Variants in MYO5B observed in about 807,000 individuals in gnomAD.
The protein encoded by MYO5B is unconventional myosin-Vb.
Under a neutral mutation model 229.3 loss-of-function variants are expected in MYO5B, and 143 were observed. The observed-to-expected ratio is 0.62, with a 90% CI of 0.54 to 0.72. The LOEUF (loss-of-function observed/expected upper bound fraction) is 0.72, where lower values mean the gene tolerates loss of function less well. Among genes scored for constraint, MYO5B ranks in the 30% least tolerant of loss-of-function variants. The probability of loss-of-function intolerance (pLI) is 0.00; values close to 1 mark genes in which losing one functional copy is unlikely to be tolerated. For synonymous variants in MYO5B, 918 were observed against 885.2 expected (o/e 1.04, Z -0.66); for missense variants, 2,321 against 2,331.0 (o/e 1.00, Z 0.09).
At chr18:50,030,736 G>C (rs1264783929) in intron 4 of MYO5B, among the ~76,000 whole-genome samples, 2 of 151,556 alleles carry the variant, frequency 1.3e-5, no homozygotes, top group East Asian at 1.9e-4. Context: ...CCCTCCCCAG[G>C]ACCCCAGGCA....
intron 7 of MYO5B, among the ~76,000 whole-genome samples, chr18:49,988,758 A>C (rs1027802216): frequency 2.0e-5 from 3 of 152,202 alleles, no homozygotes; most frequent in African/African-American, 7.2e-5. Context: ...GTGGAGGCAT[A>C]CCTGGCTGCT....
chr18:50,005,829 C>T (rs2144333937), intron 4 of MYO5B, among the ~76,000 whole-genome samples: 1 of 152,288 alleles, frequency 6.6e-6, no homozygotes, highest in South Asian at 2.1e-4. Context: ...CCTGAGGTAA[C>T]CTTCAATATA....
chr18:50,150,612 T>G (rs547404610), intron 1 of MYO5B, among the ~76,000 whole-genome samples: 1 of 152,046 alleles, frequency 6.6e-6, no homozygotes, highest in Non-Finnish European at 1.5e-5. Context: ...ATATTCTCAT[T>G]CATAGGTGGG....
rs75933179 is a variant in MYO5B, at chr18:49,970,206, T to C, written c.1322+4144A>G. Among the ~76,000 whole-genome samples the C allele has an allele frequency of 5.4e-3, 820 of 152,308 alleles. 5 individuals carry two copies. The highest frequency in any genetic ancestry group is 0.017 in the African/African-American group (717 of 41,572). On this transcript the variant is annotated intron_variant, in intron 10 of 39. Coordinates refer to ENST00000285039, the MANE Select transcript of MYO5B (RefSeq NM_001080467.3). Reference sequence around the variant, plus strand: ...CCAGGATCTCCCCTATTAATTTCCATACCCTGCCTGGTCAAAAATACCCTG... The same window carrying C: ...CCAGGATCTCCCCTATTAATTTCCACACCCTGCCTGGTCAAAAATACCCTG...
At chr18:50,178,815 G>A (rs1018659847) in intron 1 of MYO5B, among the ~76,000 whole-genome samples, 7 of 152,142 alleles carry the variant, frequency 4.6e-5, no homozygotes, top group African/African-American at 9.7e-5. Context: ...CTCTCTCCAC[G>A]GCTAGTGTTG....
intron 1 of MYO5B, among the ~76,000 whole-genome samples, chr18:50,056,423 C>T (rs2030550977): frequency 1.3e-5 from 2 of 152,206 alleles, no homozygotes; most frequent in Admixed American, 1.3e-4. Context: ...TGGGATCCTA[C>T]TGCACAGCTG....
chr18:50,174,707 C>T (rs1037412080), intron 1 of MYO5B, among the ~76,000 whole-genome samples: 1 of 152,112 alleles, frequency 6.6e-6, no homozygotes, highest in African/African-American at 2.4e-5. Context: ...CCCACATGGC[C>T]AGAATTAGGG....
chr18:50,111,723 G>A (rs887777686), intron 1 of MYO5B, among the ~76,000 whole-genome samples: 1 of 152,142 alleles, frequency 6.6e-6, no homozygotes, highest in African/African-American at 2.4e-5. Context: ...GCTGATAAAG[G>A]GATCTCATTA....
At chr18:49,939,907 G>C (rs1402525300) in intron 14 of MYO5B, among the ~76,000 whole-genome samples, 2 of 152,156 alleles carry the variant, frequency 1.3e-5, no homozygotes, top group Non-Finnish European at 2.9e-5. Flanking sequence ...CATCTCCTGA[G>C]ACTTGTAGGA....
At chr18:49,878,841 G>T in intron 24 of MYO5B, 104 bp downstream of exon 24, 1 of 1,357,170 alleles carries the variant, frequency 7.4e-7, no homozygotes, top group Non-Finnish European at 1.0e-6. Flanking sequence ...ATGACACATG[G>T]ACTGAGCATC....
At chr18:50,174,233 T>C (rs1442117405) in intron 1 of MYO5B, among the ~76,000 whole-genome samples, 5 of 151,692 alleles carry the variant, frequency 3.3e-5, no homozygotes, top group Non-Finnish European at 5.9e-5. Context: ...TAAAAGGAGG[T>C]TTATTATGAA....
intron 14 of MYO5B, 139 bp from the exon 15 acceptor site, chr18:49,937,536 C>G: frequency 1.0e-6 from 1 of 1,001,510 alleles, no homozygotes; most frequent in Non-Finnish European, 1.5e-6. Flanking sequence ...ACCTGCACAG[C>G]AGCGTTACTC....
At chr18:50,098,257 T>C (rs79496364) in intron 1 of MYO5B, among the ~76,000 whole-genome samples, 1,810 of 151,988 alleles carry the variant, frequency 0.012, 28 homozygotes, top group African/African-American at 0.042. Context: ...ACTATGTTAC[T>C]TAAAATCAGG....
intron 9 of MYO5B, among the ~76,000 whole-genome samples, chr18:49,976,865 G>T (rs1217314922): frequency 3.9e-5 from 6 of 152,206 alleles, no homozygotes; most frequent in Admixed American, 3.9e-4. Flanking sequence ...TAAGTGCCTG[G>T]GGACCGCTTG....
intron 1 of MYO5B, among the ~76,000 whole-genome samples, chr18:50,160,721 C>G (rs893581076): frequency 6.6e-6 from 1 of 152,162 alleles, no homozygotes; most frequent in South Asian, 2.1e-4. Flanking sequence ...AAACTTTCAC[C>G]CACTCATCCT....
intron 5 of MYO5B, among the ~76,000 whole-genome samples, chr18:49,993,494 C>CAACT (rs991053773): frequency 6.6e-6 from 1 of 152,078 alleles, no homozygotes; most frequent in African/African-American, 2.4e-5. Context: ...TGTTACTGAA[C>CAACT]AACTGTTCCT....
At chr18:50,002,590 A>G (rs900286382) in intron 4 of MYO5B, among the ~76,000 whole-genome samples, 2 of 152,178 alleles carry the variant, frequency 1.3e-5, no homozygotes, top group East Asian at 1.9e-4. Flanking sequence ...GCAGGGAGTG[A>G]GGACAAACGT....
chr18:50,073,047 G>A (rs1247878760), intron 1 of MYO5B, among the ~76,000 whole-genome samples: 1 of 152,194 alleles, frequency 6.6e-6, no homozygotes, highest in African/African-American at 2.4e-5. Context: ...TCCTAGCCAA[G>A]GGACTCTCAC....
At chr18:50,107,692 C>T (rs182588593) in intron 1 of MYO5B, among the ~76,000 whole-genome samples, 1 of 152,302 alleles carries the variant, frequency 6.6e-6, no homozygotes, top group African/African-American at 2.4e-5. Context: ...TGTGGAGCAA[C>T]AGAAAGAGGC....
Sources: allele counts gnomAD v4.1 joint callset (sites outside exome capture counted in the v4.1 genomes callset), GRCh38; gene constraint gnomAD v4.1.1; transcripts MANE v1.5; gene names NCBI Gene and HGNC (gene_info 2026-07-23, HGNC 2026-07-21).